Variants in ATP6AP2 observed in about 807,000 individuals in gnomAD.
ATP6AP2 encodes the protein renin receptor.
Under a neutral mutation model 23.4 loss-of-function variants are expected in ATP6AP2, and 1 was observed. That is an observed-to-expected ratio of 0.04 (90% CI 0.02 to 0.20). The LOEUF (loss-of-function observed/expected upper bound fraction) is 0.20. Ranked by LOEUF, ATP6AP2 falls within the 10% of genes least tolerant of loss-of-function variation. The pLI, the probability that ATP6AP2 is intolerant of heterozygous loss-of-function variation, is 1.00. For missense variants in ATP6AP2, 174 were observed against 271.3 expected (o/e 0.64, Z 2.52); for synonymous variants, 90 against 97.1 (o/e 0.93, Z 0.43).
chrX:40,600,943 A>AC, intron 8 of ATP6AP2, 62 bp downstream of exon 8: 5 of 1,120,472 alleles, frequency 4.5e-6, no homozygotes, highest in South Asian at 2.0e-5. Context: ...AAAAAAAAAA[A>AC]ACCAAGTCCT....
chrX:40,598,013 C>T (rs920708601), intron 5 of ATP6AP2: 7 of 231,242 alleles, frequency 3.0e-5, no homozygotes, highest in Non-Finnish European at 5.5e-5. Flanking sequence ...CATTTTAGCA[C>T]GAGGGTTGCC....
intron 3 of ATP6AP2, chrX:40,591,879 T>C (rs371500789): frequency 4.7e-5 from 6 of 127,573 alleles, no homozygotes; most frequent in African/African-American, 1.9e-4. Flanking sequence ...AAAAACATTT[T>C]TACTAGCATA....
intron 8 of ATP6AP2, among the ~76,000 whole-genome samples, chrX:40,602,891 T>C (rs931071836): frequency 5.3e-5 from 5 of 94,114 alleles, no homozygotes; most frequent in Non-Finnish European, 1.0e-4. Context: ...GTGTTGAGAG[T>C]GGGGATGCCT....
chrX:40,600,422 CTT>C (rs971427765), intron 7 of ATP6AP2: 1 of 131,693 alleles, frequency 7.6e-6, no homozygotes, highest in African/African-American at 3.2e-5. Context: ...AAGCTTAACA[CTT>C]TTCTGTATAG....
rs146955844 is a variant in ATP6AP2, at chrX:40,583,080, G to A, written c.37+1978G>A. On this transcript the variant is annotated intron_variant, in intron 1 of 8. Transcript: ENST00000636580. The stretch of plus-strand genomic sequence containing the variant: ...TTAAAACAGTGTTGCCAAACTAGAG[G>A]GAGAACTAGGGACCTAGAGAGAGAG... Among the ~76,000 whole-genome samples, 1,112 of 111,960 alleles carry A rather than the reference G, an allele frequency of 9.9e-3. 13 individuals carry two copies. Among genetic ancestry groups the A allele is most frequent in the African/African-American group, 0.034 (1,059 of 30,828 alleles).
intron 5 of ATP6AP2, chrX:40,598,285 T>A (rs1284563004): frequency 5.4e-6 from 1 of 183,961 alleles, no homozygotes; most frequent in Admixed American, 7.2e-5. Flanking sequence ...TTGCTGTGGA[T>A]GACCAGGGCC....
At chrX:40,585,330 TA>T (rs934656945) in intron 1 of ATP6AP2, among the ~76,000 whole-genome samples, 1 of 111,403 alleles carries the variant, frequency 9.0e-6, no homozygotes, top group African/African-American at 3.3e-5. Flanking sequence ...GGTTGAAATC[TA>T]AAAAGTTTGG....
At chrX:40,600,601 C>T (rs1219019837) in intron 7 of ATP6AP2, 161 bp from the exon 8 acceptor site, 1 of 457,729 alleles carries the variant, frequency 2.2e-6, no homozygotes, top group African/African-American at 2.5e-5. Flanking sequence ...GGAGGTAATG[C>T]ATATGTTAAT....
chrX:40,588,756 G>A (rs1024989080), intron 1 of ATP6AP2, among the ~76,000 whole-genome samples: 6 of 111,416 alleles, frequency 5.4e-5, no homozygotes, highest in African/African-American at 2.0e-4. Flanking sequence ...AATAGGTTCA[G>A]AGAGGCTCTG....
chrX:40,598,790 T>C, intron 6 of ATP6AP2, 56 bp downstream of exon 6: 1 of 1,092,762 alleles, frequency 9.2e-7, no homozygotes, highest in South Asian at 1.9e-5. Context: ...TAGAGAATCC[T>C]TGAATAATAG....
intron 6 of ATP6AP2, 125 bp from the exon 7 acceptor site, chrX:40,599,466 GT>G (rs1455148202): frequency 2.5e-6 from 2 of 804,985 alleles, no homozygotes; most frequent in East Asian, 6.6e-5. Context: ...CTATTTGCAT[GT>G]TGTGGTACAC....
intron 8 of ATP6AP2, among the ~76,000 whole-genome samples, chrX:40,601,541 TAC>T (rs1294006104): frequency 8.9e-6 from 1 of 112,092 alleles, no homozygotes; most frequent in African/African-American, 3.3e-5. Flanking sequence ...CATGGTAAAA[TAC>T]ATATCTGTTT....
At chrX:40,586,271 A>G (rs1461746196) in intron 1 of ATP6AP2, among the ~76,000 whole-genome samples, 4 of 111,599 alleles carry the variant, frequency 3.6e-5, no homozygotes, top group African/African-American at 9.8e-5. Context: ...GGCTATTACC[A>G]TATAGCCACC....
intron 3 of ATP6AP2, 42 bp from the exon 4 acceptor site, chrX:40,597,204 CACT>C: frequency 1.0e-6 from 1 of 973,425 alleles, no homozygotes; most frequent in Non-Finnish European, 1.5e-6. Context: ...TTTTTCTTCC[CACT>C]TTGGTTCACA....
At chrX:40,583,800 G>T (rs754119952) in intron 1 of ATP6AP2, among the ~76,000 whole-genome samples, 1 of 111,976 alleles carries the variant, frequency 8.9e-6, no homozygotes, top group Non-Finnish European at 1.9e-5. Flanking sequence ...TAGCTGTGTT[G>T]CTGAGGAAGA....
rs147593210 is a variant in ATP6AP2 at position 40,586,419 on chromosome X, G to C, written c.38-2567G>C. Among the ~76,000 whole-genome samples the C allele has an allele frequency of 9.2e-3, 1,022 of 111,633 alleles. 12 individuals are homozygous for C. The highest frequency in any genetic ancestry group is 0.031 in the African/African-American group (943 of 30,714). The stretch of plus-strand genomic sequence containing the variant: ...ATCCCTGCCCTCATGTCTGGAGGGA[G>C]AGGAGTTACAGATAGGGGCTTATGC... On this transcript the variant is annotated intron_variant, in intron 1 of 8. Transcript: ENST00000636580.
chrX:40,600,186 A>AC, intron 7 of ATP6AP2: 1 of 152,739 alleles, frequency 6.5e-6, no homozygotes, highest in Non-Finnish European at 1.3e-5. Context: ...ACAGTACCAG[A>AC]CAGTAGATGC....
chrX:40,586,870 G>A (rs1179238182), intron 1 of ATP6AP2, among the ~76,000 whole-genome samples: 1 of 112,481 alleles, frequency 8.9e-6, no homozygotes, highest in Non-Finnish European at 1.9e-5. Context: ...TTGAAACTAC[G>A]AAGCTGGGGC....
intron 1 of ATP6AP2, among the ~76,000 whole-genome samples, chrX:40,583,819 C>T (rs1602396074): frequency 9.0e-6 from 1 of 111,713 alleles, no homozygotes; most frequent in Non-Finnish European, 1.9e-5. Flanking sequence ...GATTTAAAGA[C>T]GACTGATTCC....
Sources: allele counts gnomAD v4.1 joint callset (sites outside exome capture counted in the v4.1 genomes callset), GRCh38; gene constraint gnomAD v4.1.1; transcripts MANE v1.5; gene names NCBI Gene and HGNC (gene_info 2026-07-23, HGNC 2026-07-21).